The following TEX101 variants were observed in gnomAD, a reference collection of about 807,000 sequenced individuals.
The protein encoded by TEX101 is testis-expressed protein 101.
A neutral mutation model predicts 18.1 loss-of-function variants in TEX101; 10 were observed. That is an observed-to-expected ratio of 0.55 (90% confidence interval 0.34 to 0.94). The LOEUF (loss-of-function observed/expected upper bound fraction) is 0.94. Ranked by LOEUF, TEX101 falls within the 40% of genes least tolerant of loss-of-function variation. The pLI is 0.02. For synonymous variants in TEX101, 94 were observed against 114.8 expected (o/e 0.82, Z 1.16); for missense variants, 259 against 298.9 (o/e 0.87, Z 0.98).
chr19:43,403,249 C>T (rs1367787179), intron 2 of TEX101, among the ~76,000 whole-genome samples: 3 of 152,128 alleles, frequency 2.0e-5, no homozygotes, highest in Non-Finnish European at 2.9e-5. Flanking sequence ...ATAAGATAAA[C>T]ATTATGTTTA....
chr19:43,404,069 GT>G (rs33928385), intron 2 of TEX101, among the ~76,000 whole-genome samples: 1,535 of 103,194 alleles, frequency 0.015, 5 homozygotes, highest in African/African-American at 0.029. Context: ...AAGTGTGTGG[GT>G]TTTTTTTTTT....
upstream of TEX101, among the ~76,000 whole-genome samples, chr19:43,410,528 G>A (rs181645678): frequency 1.1e-3 from 168 of 152,088 alleles, no homozygotes; most frequent in Non-Finnish European, 1.4e-3. Flanking sequence ...GATGGAATAC[G>A]GAGGGCCTGA....
At chr19:43,412,322 GACTC>G (rs1399894863), upstream of TEX101, among the ~76,000 whole-genome samples, 3 of 152,064 alleles carry the variant, frequency 2.0e-5, no homozygotes, top group African/African-American at 7.2e-5. Flanking sequence ...ATCTGGCAAG[GACTC>G]ACTCATCATT....
At chr19:43,397,446 A>G, upstream of TEX101, among the ~76,000 whole-genome samples, 1 of 141,750 alleles carries the variant, frequency 7.1e-6, no homozygotes, top group South Asian at 2.4e-4. Flanking sequence ...TTACTTTCTT[A>G]CACATCATCC....
chr19:43,406,120 G>C (rs1469402762), intron 2 of TEX101: 2 of 140,952 alleles, frequency 1.4e-5, no homozygotes, highest in Non-Finnish European at 2.9e-5. Context: ...CCTGGCTCAC[G>C]CCTGTAATCC....
intron 3 of TEX101, among the ~76,000 whole-genome samples, chr19:43,408,679 A>C (rs1970392556): frequency 6.6e-6 from 1 of 151,794 alleles, no homozygotes; most frequent in African/African-American, 2.4e-5. Context: ...TTCTTTTTGG[A>C]GAGATCTGTG....
chr19:43,389,083 A>G, the TEX101 span, among the ~76,000 whole-genome samples: 1 of 152,116 alleles, frequency 6.6e-6, no homozygotes, highest in Non-Finnish European at 1.5e-5. Flanking sequence ...CCGGCTTCTC[A>G]GTTCCTCAGC....
At chr19:43,396,257 G>A in the TEX101 span, among the ~76,000 whole-genome samples, 2 of 152,178 alleles carry the variant, frequency 1.3e-5, no homozygotes, top group Non-Finnish European at 2.9e-5. Context: ...GCCTGCCTGG[G>A]GCGGCAGGGA....
exon 3 of TEX101, chr19:43,406,477 C>T (rs983358562): frequency 5.2e-6 from 4 of 767,996 alleles, no homozygotes; most frequent in South Asian, 4.1e-5. Flanking sequence ...GATCGGTGGG[C>T]GGTCCCGCCT....
At chr19:43,396,294 T>A in the TEX101 span, among the ~76,000 whole-genome samples, 2 of 152,236 alleles carry the variant, frequency 1.3e-5, no homozygotes, top group African/African-American at 4.8e-5. Context: ...TTCCTGCTAT[T>A]CCTCATTGCG....
intron 2 of TEX101, chr19:43,406,092 A>AAAAAAAAAAAAAAAAAAAAAAAAAC (rs1970360047): frequency 6.0e-6 from 1 of 166,326 alleles, no homozygotes; most frequent in Non-Finnish European, 1.3e-5. Flanking sequence ...AAAAAAAAAA[A>AAAAAAAAAAAAAAAAAAAAAAAAAC]AAAAAAAAAG....
At chr19:43,407,888 C>G (rs902286527) in intron 3 of TEX101, among the ~76,000 whole-genome samples, 3 of 152,206 alleles carry the variant, frequency 2.0e-5, no homozygotes, top group Admixed American at 1.3e-4. Flanking sequence ...CACGCAAGGC[C>G]CATTCGTGGG....
chr19:43,396,508 C>A (rs374484520), upstream of TEX101, among the ~76,000 whole-genome samples: 1 of 152,192 alleles, frequency 6.6e-6, no homozygotes, highest in Non-Finnish European at 1.5e-5. Context: ...GCCTGTAACG[C>A]TTTTTAACAA....
upstream of TEX101, among the ~76,000 whole-genome samples, chr19:43,410,009 C>G (rs184970337): frequency 6.6e-6 from 1 of 152,120 alleles, no homozygotes; most frequent in East Asian, 1.9e-4. Flanking sequence ...TGTACTCCAG[C>G]CTGGACAAGA....
intron 3 of TEX101, among the ~76,000 whole-genome samples, chr19:43,409,150 C>T (rs763531359): frequency 2.6e-5 from 4 of 152,164 alleles, no homozygotes; most frequent in Admixed American, 1.3e-4. Flanking sequence ...CAGGGTGTTC[C>T]GTCCATAAAT....
At chr19:43,405,319 A>C (rs912009297) in intron 2 of TEX101, among the ~76,000 whole-genome samples, 1 of 152,174 alleles carries the variant, frequency 6.6e-6, no homozygotes, top group African/African-American at 2.4e-5. Context: ...CTGTAATCCC[A>C]GCACTTTGGG....
upstream of TEX101, among the ~76,000 whole-genome samples, chr19:43,410,114 C>A (rs1970405644): frequency 6.6e-6 from 1 of 152,142 alleles, no homozygotes; most frequent in Non-Finnish European, 1.5e-5. Flanking sequence ...TGCAGAAGAT[C>A]TCAATCCTTT....
chr19:43,413,489 G>C (rs1301491953), upstream of TEX101, among the ~76,000 whole-genome samples: 1 of 90,586 alleles, frequency 1.1e-5, no homozygotes, highest in Non-Finnish European at 2.2e-5. Flanking sequence ...GCAACAGAGG[G>C]AGACTCCAAA....
chr19:43,396,384 A>G, the TEX101 span, among the ~76,000 whole-genome samples: 2 of 152,240 alleles, frequency 1.3e-5, no homozygotes, highest in African/African-American at 2.4e-5. Flanking sequence ...TTTCCTTAAA[A>G]CAACTCACTG....
Sources: allele counts gnomAD v4.1 joint callset (sites outside exome capture counted in the v4.1 genomes callset), GRCh38; gene constraint gnomAD v4.1.1; transcripts MANE v1.5; gene names NCBI Gene and HGNC (gene_info 2026-07-23, HGNC 2026-07-21).